Variants in GOLGA1 observed in about 807,000 individuals in gnomAD.
The protein encoded by GOLGA1 is golgin subfamily A member 1.
A neutral mutation model predicts 119.7 loss-of-function variants in GOLGA1; 63 were observed. The ratio of observed to expected loss-of-function variants is 0.53; its 90% CI spans 0.43 to 0.65. The LOEUF is 0.65. GOLGA1 is among the 30% of genes least tolerant of loss of function. GOLGA1 has a pLI of 0.00. For synonymous variants in GOLGA1, 318 were observed against 333.4 expected (o/e 0.95, Z 0.50); for missense variants, 798 against 912.8 (o/e 0.87, Z 1.62).
chr9:124,889,606 T>C, intron 16 of GOLGA1, 70 bp from the exon 17 acceptor site: 1 of 1,001,378 alleles, frequency 1.0e-6, no homozygotes. Flanking sequence ...AAATCTCCAC[T>C]TCCCCGCTCT....
intron 3 of GOLGA1, among the ~76,000 whole-genome samples, chr9:124,935,987 A>C (rs1257410136): frequency 6.6e-6 from 1 of 152,194 alleles, no homozygotes; most frequent in African/African-American, 2.4e-5. Context: ...AAACATATGC[A>C]GTTGGATATA....
chr9:124,931,481 T>A (rs544627534), intron 3 of GOLGA1, 75 bp from the exon 4 acceptor site: 110 of 779,936 alleles, frequency 1.4e-4, no homozygotes, highest in Non-Finnish European at 2.1e-4. Flanking sequence ...AAGTGACAAG[T>A]CTTATTTTAG....
chr9:124,887,531 C>T (rs1019575952), intron 19 of GOLGA1: 1 of 152,006 alleles, frequency 6.6e-6, no homozygotes, highest in Non-Finnish European at 1.5e-5. Context: ...GGCTACGATA[C>T]TGCCACTGCT....
intron 16 of GOLGA1, among the ~76,000 whole-genome samples, chr9:124,890,174 AG>A (rs1026201544): frequency 1.2e-4 from 18 of 152,248 alleles, no homozygotes; most frequent in African/African-American, 4.1e-4. Context: ...AAATCAGAAA[AG>A]GGCATCCTAT....
rs984578610 is a variant in GOLGA1, at chr9:124,939,559, T to C, written c.-156+547A>G. Among the ~76,000 whole-genome samples the C allele has an allele frequency of 3.3e-4, 41 of 123,676 alleles. 1 individual carries two copies. The highest frequency in any genetic ancestry group is 1.9e-3 in the East Asian group (5 of 2,690). The allele number at this position is 123,676 out of a possible 152,430, so 81.1% of individuals were successfully genotyped here. On this transcript the variant is annotated intron_variant, in intron 2 of 22. Transcript: ENST00000373555. ...TTTATTTTCTTTCTTTCTTTTTTTT[T>C]TTTTTTTTTTTTTTTTTTTTGAGAT...
At position 124,878,777 on chromosome 9, in the gene GOLGA1, T is replaced by C. The variant is rs1829503923; in HGVS notation, c.*1753A>G. 6.6e-6 allele frequency: 1 copy of C among 152,276 alleles called. No homozygotes were observed. The highest frequency in any genetic ancestry group is 6.5e-5 in the Admixed American group (1 of 15,282). 9.4% of individuals were successfully genotyped at this position (152,276 alleles called of 1,614,324 possible). Reference sequence around the variant, plus strand: ...CAGCGGATGGGCTTCTGTGGAAATGTAGCTGCCTTTGGCTGGCTGTGAGCT... The same window carrying C: ...CAGCGGATGGGCTTCTGTGGAAATGCAGCTGCCTTTGGCTGGCTGTGAGCT... On this transcript the variant is annotated 3_prime_UTR_variant, in exon 23 of 23. Transcript: ENST00000373555.
intron 10 of GOLGA1, among the ~76,000 whole-genome samples, chr9:124,920,855 GAAAA>G (rs58458904): frequency 1.8e-5 from 2 of 110,906 alleles, no homozygotes; most frequent in African/African-American, 7.3e-5. Flanking sequence ...CAAAAAAAAA[GAAAA>G]AAAAAAAAAA....
At chr9:124,901,684 C>G (rs994138915) in intron 12 of GOLGA1, among the ~76,000 whole-genome samples, 10 of 152,276 alleles carry the variant, frequency 6.6e-5, no homozygotes, top group African/African-American at 2.4e-4. Context: ...ATCCGCCCAC[C>G]TCGGCCTCCC....
At chr9:124,880,685 C>A (rs1829557076) in intron 22 of GOLGA1, 75 bp from the exon 23 acceptor site, 3 of 885,404 alleles carry the variant, frequency 3.4e-6, no homozygotes, top group Non-Finnish European at 5.7e-6. Flanking sequence ...CGCCCCTCCC[C>A]TCCCGTGAGC....
chr9:124,947,269 T>G (rs1446639781), intron 1 of GOLGA1: 2 of 152,148 alleles, frequency 1.3e-5, no homozygotes, highest in Non-Finnish European at 2.9e-5. Flanking sequence ...ATCAAGAAAA[T>G]AAAGGACTAC....
At chr9:124,890,265 G>T in intron 16 of GOLGA1, 124 bp downstream of exon 16, 1 of 679,314 alleles carries the variant, frequency 1.5e-6, no homozygotes, top group South Asian at 1.7e-5. Flanking sequence ...TGCATTCCCT[G>T]AGTCCTGAGT....
rs1023259026 is a variant in GOLGA1 at position 124,922,227 on chromosome 9, C to CA, written c.562-336dup. Among the ~76,000 whole-genome samples the CA allele has an allele frequency of 2.2e-3, 278 of 124,422 alleles. 3 individuals carry two copies. Among genetic ancestry groups the CA allele is most frequent in the African/African-American group, 6.2e-3 (204 of 33,158 alleles). The allele number at this position is 124,422 out of a possible 152,430, so 81.6% of individuals were successfully genotyped here. On this transcript the variant is annotated intron_variant, in intron 8 of 22. Transcript: ENST00000373555. ...TGGGTGACAGAGCTAGGCTCCATCTCAAAAAAAAAAAAGAAGTAAAAAAGA... is the reference window on the plus strand; with the variant it reads ...TGGGTGACAGAGCTAGGCTCCATCTCAAAAAAAAAAAAAGAAGTAAAAAAGA...
chr9:124,918,686 G>T (rs1830501253), intron 10 of GOLGA1, among the ~76,000 whole-genome samples: 1 of 151,796 alleles, frequency 6.6e-6, no homozygotes, highest in Non-Finnish European at 1.5e-5. Context: ...AGCCTAGGAG[G>T]TGGAGGTTGC....
At chr9:124,920,037 T>G (rs1308675940) in intron 10 of GOLGA1, among the ~76,000 whole-genome samples, 1 of 152,062 alleles carries the variant, frequency 6.6e-6, no homozygotes, top group Admixed American at 6.6e-5. Context: ...TCAGCTCACT[T>G]GCAACCTCCA....
At chr9:124,924,596 C>T (rs1488201068) in intron 7 of GOLGA1, among the ~76,000 whole-genome samples, 1 of 136,308 alleles carries the variant, frequency 7.3e-6, no homozygotes, top group East Asian at 2.2e-4. Context: ...TGTGCCACTG[C>T]ACTACACTCC....
intron 10 of GOLGA1, among the ~76,000 whole-genome samples, chr9:124,920,063 C>T (rs1316762636): frequency 1.3e-5 from 2 of 151,890 alleles, no homozygotes; most frequent in East Asian, 1.9e-4. Flanking sequence ...CAGGTTTAAC[C>T]GAATCTCCTG....
At chr9:124,904,175 C>T (rs1445889955) in intron 12 of GOLGA1, among the ~76,000 whole-genome samples, 1 of 151,174 alleles carries the variant, frequency 6.6e-6, no homozygotes, top group African/African-American at 2.4e-5. Flanking sequence ...TCAAATAAGC[C>T]AGACACAAAA....
At chr9:124,898,084 T>A (rs1289742254) in intron 15 of GOLGA1, among the ~76,000 whole-genome samples, 4 of 152,216 alleles carry the variant, frequency 2.6e-5, no homozygotes, top group African/African-American at 9.7e-5. Flanking sequence ...TCCAGCAGAT[T>A]GTTTCTTCAT....
intron 8 of GOLGA1, among the ~76,000 whole-genome samples, chr9:124,922,224 T>C (rs1288143532): frequency 2.9e-5 from 4 of 138,520 alleles, no homozygotes; most frequent in East Asian, 2.1e-4. Flanking sequence ...CTAGGCTCCA[T>C]CTCAAAAAAA....
Sources: gnomAD v4.1 joint callset for allele counts (sites outside exome capture counted in the v4.1 genomes callset) on GRCh38, gnomAD v4.1.1 for gene constraint, MANE v1.5 for transcripts, NCBI Gene and HGNC (gene_info 2026-07-23, HGNC 2026-07-21) for gene names.